The following ROPN1L variants were observed in gnomAD, a reference collection of about 807,000 sequenced individuals.
ROPN1L encodes ropporin-1-like protein.
In ROPN1L, 23 loss-of-function variants were observed where a neutral mutation model predicts 22.7. That is an observed-to-expected ratio of 1.01 (90% CI 0.73 to 1.43). The LOEUF (loss-of-function observed/expected upper bound fraction) is 1.43. ROPN1L is among the 40% of genes most tolerant of loss of function. The probability of loss-of-function intolerance (pLI) is 0.00; values close to 1 mark genes in which losing one functional copy is unlikely to be tolerated. For missense variants in ROPN1L, 271 were observed against 291.5 expected, an observed-to-expected ratio of 0.93 and a Z score of 0.51; for synonymous variants, 116 against 117.8, an observed-to-expected ratio of 0.98 and a Z score of 0.10.
chr5:10,463,691 G>A (rs534034524), intron 4 of ROPN1L, among the ~76,000 whole-genome samples: 24 of 152,300 alleles, frequency 1.6e-4, no homozygotes, highest in Admixed American at 9.8e-4. Flanking sequence ...AGGCATTGGC[G>A]CAGGTGCCGG....
At chr5:10,454,198 C>T (rs1741346395) in intron 3 of ROPN1L, among the ~76,000 whole-genome samples, 2 of 151,976 alleles carry the variant, frequency 1.3e-5, no homozygotes, top group Admixed American at 1.3e-4. Flanking sequence ...ATGGTCATAG[C>T]TCACTGCAGC....
Position 10,471,353 on chromosome 5 carries a change from G to T in ROPN1L, n.886-457G>T, listed in dbSNP as rs1735242226. Among the ~76,000 whole-genome samples, 3 of 151,756 alleles carry T rather than the reference G, an allele frequency of 2.0e-5. No individual in the cohort carries two copies. The South Asian group carries it at 6.2e-4, about 32-fold the overall frequency. On this transcript the variant is annotated intron_variant and non_coding_transcript_variant, in intron 4 of 4. Transcript: ENST00000510520. ...AGTAGACACGGAGTTTCACCATGTT[G>T]GCCAGGCTGGTCACAAACTCCTGAC...
At chr5:10,480,288 T>C in the ROPN1L span, among the ~76,000 whole-genome samples, 5 of 152,330 alleles carry the variant, frequency 3.3e-5, no homozygotes, top group South Asian at 1.0e-3. Flanking sequence ...TTAATGGCTG[T>C]CATCTATGTG....
At chr5:10,461,149 C>T (rs1735015711) in intron 3 of ROPN1L, 35 bp from the exon 4 acceptor site, 1 of 1,584,908 alleles carries the variant, frequency 6.3e-7, no homozygotes, top group East Asian at 2.3e-5. Flanking sequence ...CCAGGAGTAA[C>T]TGTTTTTCTC....
downstream of ROPN1L, among the ~76,000 whole-genome samples, chr5:10,468,056 G>A (rs1030797696): frequency 7.2e-5 from 11 of 152,190 alleles, no homozygotes; most frequent in African/African-American, 2.7e-4. Flanking sequence ...CCTGCTTAAC[G>A]CTCTGTCCCT....
chr5:10,475,480 G>A (rs1401085055), downstream of ROPN1L, among the ~76,000 whole-genome samples: 1 of 152,112 alleles, frequency 6.6e-6, no homozygotes, highest in Non-Finnish European at 1.5e-5. Context: ...ACTGTTCCCA[G>A]CAGCAAGTAG....
chr5:10,473,038 G>T (rs1735272783), downstream of ROPN1L, among the ~76,000 whole-genome samples: 2 of 152,162 alleles, frequency 1.3e-5, no homozygotes, highest in South Asian at 4.1e-4. Flanking sequence ...CCTCAGCTCA[G>T]CTCTCAATTT....
rs1455148264 is a variant in ROPN1L, at chr5:10,442,044, A to T, written c.-124A>T. 1.5e-6 allele frequency: 2 copies of T among 1,356,592 alleles called. No homozygotes were observed. The highest frequency in any genetic ancestry group is 1.5e-5 in the African/African-American group (1 of 68,766). The allele number at this position is 1,356,592 out of a possible 1,614,324, so 84.0% of individuals were successfully genotyped here. On this transcript the variant is annotated 5_prime_UTR_variant, in exon 1 of 5. An upstream start codon of the reference 5' UTR is lost. Transcript: ENST00000274134. The stretch of plus-strand genomic sequence containing the variant: ...ATCCGGCCCCAACCTCGGGAACGGG[A>T]TGGGAGGCGGCCCTGGCCGCAAGCC...
the ROPN1L span, among the ~76,000 whole-genome samples, chr5:10,477,846 C>T: frequency 6.6e-6 from 1 of 152,180 alleles, no homozygotes; most frequent in African/African-American, 2.4e-5. Flanking sequence ...AGGAGAATCA[C>T]TTGAGCCCGG....
Position 10,448,636 on chromosome 5 carries a change from T to C in ROPN1L, c.255+253T>C, listed in dbSNP as rs539981422. Among the ~76,000 whole-genome samples, 156 of 152,344 alleles carry C rather than the reference T, an allele frequency of 1.0e-3. 1 individual carries two copies. Among genetic ancestry groups the C allele is most frequent in the African/African-American group, 3.7e-3 (154 of 41,584 alleles). ...AGGGGTAGAGTTTAGAAAAGTGAAA[T>C]ATAATTTCTTTTAAATACAAAATTT... On this transcript the variant is annotated intron_variant, in intron 2 of 4. Transcript: ENST00000274134.
At chr5:10,455,297 C>T (rs570403984) in intron 3 of ROPN1L, among the ~76,000 whole-genome samples, 1 of 152,332 alleles carries the variant, frequency 6.6e-6, no homozygotes, top group East Asian at 1.9e-4. Context: ...GGCTCGAAAG[C>T]CCATTCGGAA....
Position 10,441,938 on chromosome 5 carries a change from C to A in ROPN1L, c.-230C>A. ...AGTGGCGGCTGGCGCTAGGGAACTG[C>A]AGGGTCTAGGGTGTTGTCGGAGTGG... On this transcript the variant is annotated 5_prime_UTR_variant, in exon 1 of 5. Transcript: ENST00000274134. 2.4e-6 allele frequency: 1 copy of A among 422,676 alleles called. No individual in the cohort carries two copies. Among genetic ancestry groups the A allele is most frequent in the Non-Finnish European group, 4.2e-6 (1 of 236,004 alleles). The allele number at this position is 422,676 out of a possible 1,614,324, so 26.2% of individuals were successfully genotyped here.
At chr5:10,443,673 C>T (rs1740963059) in intron 1 of ROPN1L, among the ~76,000 whole-genome samples, 1 of 151,772 alleles carries the variant, frequency 6.6e-6, no homozygotes, top group Admixed American at 6.6e-5. Context: ...GTTCTGGAGG[C>T]CAGAAGTCCA....
At chr5:10,460,518 C>T (rs908991788) in intron 3 of ROPN1L, among the ~76,000 whole-genome samples, 2 of 145,606 alleles carry the variant, frequency 1.4e-5, no homozygotes, top group Non-Finnish European at 3.0e-5. Flanking sequence ...TGGGCTTTCC[C>T]GCTGAAAGCA....
At chr5:10,443,891 G>A (rs1740972239) in intron 1 of ROPN1L, among the ~76,000 whole-genome samples, 1 of 152,108 alleles carries the variant, frequency 6.6e-6, no homozygotes, top group African/African-American at 2.4e-5. Flanking sequence ...ACTGGTGATT[G>A]CATTCAGTGG....
In ROPN1L at chr5:10,464,181, A is replaced by T. The variant is rs1735105578; in HGVS notation, c.594-667A>T. Among the ~76,000 whole-genome samples, 5 of 151,076 alleles carry T rather than the reference A, an allele frequency of 3.3e-5. No individual in the cohort carries two copies. In the South Asian group the frequency reaches 1.0e-3, roughly 32 times the overall value. ...TGCCCACCATGGGCTGAGCCTCTGGACTCCATGGTCCCTCTTTTTCCTCCT... is the reference window on the plus strand; with the variant it reads ...TGCCCACCATGGGCTGAGCCTCTGGTCTCCATGGTCCCTCTTTTTCCTCCT... On this transcript the variant is annotated intron_variant, in intron 4 of 4. Coordinates refer to ENST00000274134, the MANE Select transcript of ROPN1L (RefSeq NM_031916.5).
At chr5:10,465,717 C>T (rs556756014), downstream of ROPN1L, among the ~76,000 whole-genome samples, 5 of 150,668 alleles carry the variant, frequency 3.3e-5, no homozygotes, top group African/African-American at 4.9e-5. Context: ...CCAGGCGTGG[C>T]GGTGGGCACC....
At chr5:10,477,219 T>C in the ROPN1L span, among the ~76,000 whole-genome samples, 14 of 152,234 alleles carry the variant, frequency 9.2e-5, no homozygotes, top group African/African-American at 3.4e-4. Flanking sequence ...CATTGTTTGC[T>C]GACCCCGGGT....
downstream of ROPN1L, among the ~76,000 whole-genome samples, chr5:10,474,546 G>A (rs1453665543): frequency 6.6e-6 from 1 of 152,238 alleles, no homozygotes; most frequent in Non-Finnish European, 1.5e-5. Context: ...TACACTGCCA[G>A]GAGCTGAATT....
Sources: allele counts gnomAD v4.1 joint callset (sites outside exome capture counted in the v4.1 genomes callset), GRCh38; gene constraint gnomAD v4.1.1; transcripts MANE v1.5; gene names NCBI Gene and HGNC (gene_info 2026-07-23, HGNC 2026-07-21).